The following FBXL2 variants were observed in gnomAD, a reference collection of about 807,000 sequenced individuals.
FBXL2 encodes F-box and leucine rich repeat protein 2, also known as F-box/LRR-repeat protein 2.
In FBXL2, 38 loss-of-function variants were observed where a neutral mutation model predicts 69.2. The observed-to-expected ratio is 0.55, with a 90% CI of 0.42 to 0.72. The LOEUF (loss-of-function observed/expected upper bound fraction) is 0.72, where lower values mean the gene tolerates loss of function less well. Among genes scored for constraint, FBXL2 ranks in the 30% least tolerant of loss-of-function variants. The probability of loss-of-function intolerance (pLI) is 0.00; values close to 1 mark genes in which losing one functional copy is unlikely to be tolerated. For synonymous variants in FBXL2, 192 were observed against 201.3 expected, an observed-to-expected ratio of 0.95 and a Z score of 0.39; for missense variants, 354 against 520.3, an observed-to-expected ratio of 0.68 and a Z score of 3.11.
chr3:33,348,506 C>A (rs2040610502), intron 2 of FBXL2, among the ~76,000 whole-genome samples: 1 of 152,032 alleles, frequency 6.6e-6, no homozygotes, highest in Non-Finnish European at 1.5e-5. Flanking sequence ...TTTTGTGATT[C>A]CGTATAAATT....
intron 14 of FBXL2, 128 bp from the exon 15 acceptor site, chr3:33,385,373 A>G (rs2043358233): frequency 4.7e-6 from 4 of 851,196 alleles, no homozygotes; most frequent in South Asian, 4.2e-5. Context: ...GCTCTAATCT[A>G]TAGCATAAAT....
the FBXL2 span, among the ~76,000 whole-genome samples, chr3:33,415,281 C>T: frequency 6.6e-6 from 1 of 152,216 alleles, no homozygotes; most frequent in Non-Finnish European, 1.5e-5. Context: ...AATTGATTTT[C>T]TTCAATGCCT....
chr3:33,383,967 T>TA (rs772433832), intron 13 of FBXL2, 22 bp from the exon 14 acceptor site: 1 of 1,610,842 alleles, frequency 6.2e-7, no homozygotes, highest in Admixed American at 1.7e-5. Context: ...TGCAAACATT[T>TA]ACTCATGTCT....
rs1575584725 is a variant in FBXL2 at position 33,283,659 on chromosome 3, C to T, written c.3+6144C>T. On this transcript the variant is annotated intron_variant, in intron 1 of 14. Coordinates refer to ENST00000484457, the MANE Select transcript of FBXL2 (RefSeq NM_012157.5). ...TCTTTGTACCTCTGGAAGAATTTGG[C>T]TGTGAATCTGTCTGGTCCTGGACTT... Among the ~76,000 whole-genome samples the T allele has an allele frequency of 1.3e-5, 2 of 152,268 alleles. 1 individual carries two copies. The highest frequency in any genetic ancestry group is 2.9e-5 in the Non-Finnish European group (2 of 68,024).
intron 1 of FBXL2, among the ~76,000 whole-genome samples, chr3:33,280,225 T>G (rs1230155224): frequency 6.6e-6 from 1 of 152,222 alleles, no homozygotes; most frequent in Non-Finnish European, 1.5e-5. Flanking sequence ...ACAGCTATAC[T>G]AGCATTGAGT....
At chr3:33,378,766 AT>A (rs1559636646) in intron 13 of FBXL2, 25 bp downstream of exon 13, 1 of 1,614,050 alleles carries the variant, frequency 6.2e-7, no homozygotes, top group East Asian at 2.2e-5. Context: ...TTCTGACATT[AT>A]TCACCTGTTA....
intron 2 of FBXL2, among the ~76,000 whole-genome samples, chr3:33,310,084 C>T (rs2037056465): frequency 6.6e-6 from 1 of 152,090 alleles, no homozygotes; most frequent in Admixed American, 6.5e-5. Context: ...TCATAATTTA[C>T]ATTTTTAAAC....
chr3:33,309,139 A>G lies in FBXL2; in HGVS notation c.65+11414A>G, dbSNP rs144282250. On this transcript the variant is annotated intron_variant, in intron 2 of 14. Coordinates refer to ENST00000484457, the MANE Select transcript of FBXL2 (RefSeq NM_012157.5). Reference sequence around the variant, plus strand: ...TACAATATTTCCTTATTGATTTTCTATCTAGATAATGTGCCATTGCTGAAA... The same window carrying G: ...TACAATATTTCCTTATTGATTTTCTGTCTAGATAATGTGCCATTGCTGAAA... Among the ~76,000 whole-genome samples, 1,346 of 152,246 alleles carry G rather than the reference A, an allele frequency of 8.8e-3. 11 individuals are homozygous for G. Among genetic ancestry groups the G allele is most frequent in the Non-Finnish European group, 0.015 (1,039 of 68,014 alleles).
At chr3:33,279,043 T>C (rs112348889) in intron 1 of FBXL2, among the ~76,000 whole-genome samples, 4,609 of 152,328 alleles carry the variant, frequency 0.03, 94 homozygotes, top group Admixed American at 0.062. Flanking sequence ...TTGTGAATTT[T>C]AGAGTTTTAC....
intron 1 of FBXL2, among the ~76,000 whole-genome samples, chr3:33,284,577 C>G (rs1282925008): frequency 6.6e-6 from 1 of 152,168 alleles, no homozygotes; most frequent in Non-Finnish European, 1.5e-5. Flanking sequence ...TGGTGCAGAG[C>G]TGAGTTCAAT....
rs4678933 is a variant in FBXL2 at position 33,372,976 on chromosome 3, G to T, written c.291-116G>T. On this transcript the variant is annotated intron_variant, in intron 5 of 14. Transcript: ENST00000484457. The stretch of plus-strand genomic sequence containing the variant: ...ACTGTGACAAGAACCCTAGCTGATT[G>T]TTACGCGCTTTAATTAAGTTTGAGG... 4 of 854,758 alleles carry T rather than the reference G, an allele frequency of 4.7e-6. No homozygotes were observed. The Admixed American group carries it at 7.0e-5, about 15-fold the overall frequency. The allele number at this position is 854,758 out of a possible 1,614,324, so 52.9% of individuals were successfully genotyped here.
intron 2 of FBXL2, among the ~76,000 whole-genome samples, chr3:33,301,398 T>A (rs1381817013): frequency 6.6e-6 from 1 of 152,182 alleles, no homozygotes; most frequent in Non-Finnish European, 1.5e-5. Flanking sequence ...TCAACTAGCT[T>A]CCAATACTGA....
intron 2 of FBXL2, among the ~76,000 whole-genome samples, chr3:33,314,224 A>G (rs915353791): frequency 1.3e-5 from 2 of 152,164 alleles, no homozygotes; most frequent in African/African-American, 4.8e-5. Flanking sequence ...GATTACCACA[A>G]TCAAAATGAC....
At chr3:33,371,195 C>T (rs1375624423) in intron 5 of FBXL2, among the ~76,000 whole-genome samples, 4 of 141,946 alleles carry the variant, frequency 2.8e-5, no homozygotes, top group East Asian at 2.1e-4. Flanking sequence ...GATGGAGTCT[C>T]GCTCTGTGGC....
At chr3:33,284,786 T>G (rs1423712338) in intron 1 of FBXL2, among the ~76,000 whole-genome samples, 3 of 152,248 alleles carry the variant, frequency 2.0e-5, no homozygotes. Flanking sequence ...AATTGATCCG[T>G]TTACCATTAT....
chr3:33,346,818 G>A (rs1443259579), intron 2 of FBXL2, among the ~76,000 whole-genome samples: 1 of 135,580 alleles, frequency 7.4e-6, no homozygotes, highest in Non-Finnish European at 1.5e-5. Flanking sequence ...ACAACTCTGT[G>A]TTCAGATTTA....
intron 2 of FBXL2, among the ~76,000 whole-genome samples, chr3:33,335,039 T>C (rs1405117243): frequency 6.6e-6 from 1 of 152,038 alleles, no homozygotes; most frequent in African/African-American, 2.4e-5. Context: ...AAGCAGAGAT[T>C]GCAGTGAGCT....
In FBXL2 at chr3:33,386,835, A is replaced by C. The variant is rs1433162498; in HGVS notation, c.*1227A>C. The C allele has an allele frequency of 1.3e-5, 2 of 152,140 alleles. No homozygotes were observed. The highest frequency in any genetic ancestry group is 4.8e-5 in the African/African-American group (2 of 41,430). 9.4% of individuals were successfully genotyped at this position (152,140 alleles called of 1,614,324 possible). A position where few individuals can be genotyped will look rare whatever the true frequency, so the allele number is the denominator to read the frequency against. ...AATCAGTCATCACCACCTTCATTGT[A>C]AACTTAGGTGTTCATGGTGGCTGGC... is the stretch of plus-strand genomic sequence containing the variant. On this transcript the variant is annotated 3_prime_UTR_variant, in exon 15 of 15. Transcript: ENST00000484457.
rs990135746 is a variant in FBXL2 at position 33,386,145 on chromosome 3, AT to A, written c.*538del. 2 of 161,466 alleles carry A rather than the reference AT, an allele frequency of 1.2e-5. No homozygotes were observed. Among genetic ancestry groups the A allele is most frequent in the African/African-American group, 4.8e-5 (2 of 41,462 alleles). The allele number at this position is 161,466 out of a possible 1,614,324, so 10.0% of individuals were successfully genotyped here. A position where few individuals can be genotyped will look rare whatever the true frequency, so the allele number is the denominator to read the frequency against. ...CTGATAGTTTTATATATAGAGACTT[AT>A]GTGGAAGGCATGTTAATAGGTTTCC... is the stretch of plus-strand genomic sequence containing the variant. On this transcript the variant is annotated 3_prime_UTR_variant, in exon 15 of 15. Coordinates refer to ENST00000484457, the MANE Select transcript of FBXL2 (RefSeq NM_012157.5).
Sources: allele counts gnomAD v4.1 joint callset (sites outside exome capture counted in the v4.1 genomes callset), GRCh38; gene constraint gnomAD v4.1.1; transcripts MANE v1.5; gene names NCBI Gene and HGNC (gene_info 2026-07-23, HGNC 2026-07-21).